Variants in FGF14 observed in about 807,000 individuals in gnomAD.
FGF14 encodes the protein fibroblast growth factor homologous factor 4.
FGF14 carries 5 observed loss-of-function variants against 25.5 expected under a neutral mutation model. That is an observed-to-expected ratio of 0.20 (90% confidence interval 0.10 to 0.41). The LOEUF is 0.41. FGF14 is among the 10% of genes least tolerant of loss of function. The pLI is 1.00. For synonymous variants in FGF14, 138 were observed against 118.3 expected (o/e 1.17, Z -1.08); for missense variants, 222 against 320.1 (o/e 0.69, Z 2.34).
chr13:101,817,427 C>A (rs1354341363), intron 3 of FGF14, among the ~76,000 whole-genome samples: 1 of 151,946 alleles, frequency 6.6e-6, no homozygotes, highest in Non-Finnish European at 1.5e-5. Flanking sequence ...TTTTTTGAGA[C>A]TTATCTTCAA....
intron 1 of FGF14, among the ~76,000 whole-genome samples, chr13:102,158,379 A>G (rs1465801388): frequency 6.6e-6 from 1 of 152,202 alleles, no homozygotes; most frequent in Non-Finnish European, 1.5e-5. Flanking sequence ...AGGGACATGG[A>G]TGAAGCTGGA....
intron 1 of FGF14, among the ~76,000 whole-genome samples, chr13:102,026,659 A>G (rs1407191961): frequency 1.3e-5 from 2 of 152,046 alleles, no homozygotes; most frequent in Non-Finnish European, 2.9e-5. Flanking sequence ...CAGTTAAATT[A>G]GTCAAGAATA....
chr13:101,947,638 G>T (rs1447978670), intron 1 of FGF14, among the ~76,000 whole-genome samples: 2 of 152,158 alleles, frequency 1.3e-5, no homozygotes, highest in East Asian at 3.9e-4. Flanking sequence ...TAACCATTGA[G>T]TACACATGGG....
chr13:101,932,970 TGTCCTGAA>T (rs2034865586), intron 1 of FGF14, among the ~76,000 whole-genome samples: 1 of 152,204 alleles, frequency 6.6e-6, no homozygotes, highest in Non-Finnish European at 1.5e-5. Flanking sequence ...GCTACAGTGA[TGTCCTGAA>T]GTCCTATTTC....
chr13:101,909,941 A>T (rs1485289474), intron 1 of FGF14, among the ~76,000 whole-genome samples: 1 of 152,184 alleles, frequency 6.6e-6, no homozygotes, highest in Non-Finnish European at 1.5e-5. Context: ...TGTCCTTTGT[A>T]GGGACATGGA....
intron 1 of FGF14, among the ~76,000 whole-genome samples, chr13:102,009,815 G>A (rs534802249): frequency 7.2e-5 from 11 of 152,074 alleles, no homozygotes; most frequent in East Asian, 1.9e-4. Flanking sequence ...TAAAAGTACC[G>A]TCACTTCTCT....
chr13:102,079,173 G>T (rs1385110948), intron 1 of FGF14, among the ~76,000 whole-genome samples: 3 of 152,116 alleles, frequency 2.0e-5, no homozygotes, highest in Admixed American at 6.5e-5. Context: ...CTTCCCCAGA[G>T]ACACACAGGA....
At chr13:101,880,783 G>A (rs567087161) in intron 1 of FGF14, among the ~76,000 whole-genome samples, 2 of 152,154 alleles carry the variant, frequency 1.3e-5, no homozygotes, top group East Asian at 3.9e-4. Context: ...AACCTACCAC[G>A]GTGCTTGCCA....
chr13:102,264,544 T>G (rs1008564028), intron 1 of FGF14, among the ~76,000 whole-genome samples: 18 of 56,270 alleles, frequency 3.2e-4, no homozygotes, highest in African/African-American at 3.0e-3. Flanking sequence ...CTATACGATT[T>G]GGGGTTCTAT....
chr13:101,927,951 C>A (rs2476227), intron 1 of FGF14, among the ~76,000 whole-genome samples: 1 of 151,980 alleles, frequency 6.6e-6, no homozygotes, highest in Non-Finnish European at 1.5e-5. Flanking sequence ...CTCCTCCCAA[C>A]GGTAAGACAC....
intron 1 of FGF14, among the ~76,000 whole-genome samples, chr13:102,196,597 A>G (rs2049362856): frequency 6.6e-6 from 1 of 152,212 alleles, no homozygotes; most frequent in South Asian, 2.1e-4. Flanking sequence ...ATAGCATACA[A>G]GGTGATGTTT....
At chr13:101,731,106 A>G (rs373781441) in intron 3 of FGF14, among the ~76,000 whole-genome samples, 1 of 152,290 alleles carries the variant, frequency 6.6e-6, no homozygotes, top group African/African-American at 2.4e-5. Flanking sequence ...GAGACCTCCA[A>G]TGTACAGCAG....
rs1308887600 is a variant in FGF14, at chr13:101,718,301, T to G, written c.*4530A>C. The G allele has an allele frequency of 6.6e-6, 1 of 152,134 alleles. No homozygotes were observed. The highest frequency in any genetic ancestry group is 1.5e-5 in the Non-Finnish European group (1 of 68,010). 9.4% of individuals were successfully genotyped at this position (152,134 alleles called of 1,614,324 possible). On this transcript the variant is annotated 3_prime_UTR_variant, in exon 5 of 5. Transcript: ENST00000376143. Reference sequence around the variant, plus strand: ...ACCAATATATCTATTAAGAAGTGATTGAATTTAGATTGGAAAAAATAAAAT... The same window carrying G: ...ACCAATATATCTATTAAGAAGTGATGGAATTTAGATTGGAAAAAATAAAAT...
At chr13:102,230,342 A>G (rs910623494) in intron 1 of FGF14, among the ~76,000 whole-genome samples, 2 of 152,250 alleles carry the variant, frequency 1.3e-5, no homozygotes, top group South Asian at 4.1e-4. Flanking sequence ...ACAGACTAAG[A>G]CAGATACCAA....
In FGF14 at chr13:102,161,570, A is replaced by AAAGAG. The variant is rs1555369385; in HGVS notation, c.208+239900_208+239901insCTCTT. Reference sequence around the variant, plus strand: ...TCTATGCAACCAACTTTCTGTGAAGAAAGAAAGAAGAAGAAGAAGAAGAAG... The same window carrying AAAGAG: ...TCTATGCAACCAACTTTCTGTGAAGAAAGAGAAGAAAGAAGAAGAAGAAGAAGAAG... On this transcript the variant is annotated intron_variant, in intron 1 of 4. Transcript: ENST00000376131. 5.3e-4 allele frequency among the ~76,000 whole-genome samples: 3 copies of AAAGAG among 5,652 alleles called. 1 individual carries two copies. In the Admixed American group the frequency reaches 0.012, roughly 22 times the overall value. 3.7% of individuals were successfully genotyped at this position (5,652 alleles called of 152,430 possible).
At chr13:102,168,726 G>T (rs1307830314) in intron 1 of FGF14, among the ~76,000 whole-genome samples, 1 of 152,058 alleles carries the variant, frequency 6.6e-6, no homozygotes, top group Non-Finnish European at 1.5e-5. Flanking sequence ...ATATTTTATT[G>T]CTGGGGAAAT....
chr13:101,948,473 ATATAT>A (rs1566480045), intron 1 of FGF14, among the ~76,000 whole-genome samples: 16 of 121,328 alleles, frequency 1.3e-4, no homozygotes, highest in Admixed American at 4.0e-4. Flanking sequence ...ATAAAAAAAT[ATATAT>A]ATATATATAT....
intron 1 of FGF14, among the ~76,000 whole-genome samples, chr13:102,358,056 A>G (rs907798227): frequency 6.6e-6 from 1 of 152,150 alleles, no homozygotes; most frequent in African/African-American, 2.4e-5. Context: ...GGAAAATCTT[A>G]TTTTTAATGG....
intron 1 of FGF14, among the ~76,000 whole-genome samples, chr13:101,893,175 C>G (rs2030024160): frequency 6.6e-6 from 1 of 152,136 alleles, no homozygotes; most frequent in South Asian, 2.1e-4. Flanking sequence ...TCTGCGTGGG[C>G]TGCCTGCTAT....
Sources: allele counts gnomAD v4.1 joint callset (sites outside exome capture counted in the v4.1 genomes callset), GRCh38; gene constraint gnomAD v4.1.1; transcripts MANE v1.5; gene names NCBI Gene and HGNC (gene_info 2026-07-23, HGNC 2026-07-21).